Variants in NRG3 observed in about 807,000 individuals in gnomAD.
NRG3 encodes neuregulin 3.
In NRG3, 31 loss-of-function variants were observed where a neutral mutation model predicts 66.9. The ratio of observed to expected loss-of-function variants is 0.46; its 90% CI spans 0.35 to 0.63. The LOEUF (loss-of-function observed/expected upper bound fraction) is 0.63. Ranked by LOEUF, NRG3 falls within the 20% of genes least tolerant of loss-of-function variation. The probability of loss-of-function intolerance (pLI) is 0.00; values close to 1 mark genes in which losing one functional copy is unlikely to be tolerated. For synonymous variants in NRG3, 393 were observed against 359.4 expected (o/e 1.09, Z -1.06); for missense variants, 910 against 878.9 (o/e 1.04, Z -0.45).
chr10:82,240,581 G>A (rs1257862990), intron 1 of NRG3, among the ~76,000 whole-genome samples: 1 of 152,118 alleles, frequency 6.6e-6, no homozygotes, highest in Non-Finnish European at 1.5e-5. Context: ...ACAGAGAAAC[G>A]TCTGATGCTA....
chr10:82,738,588 G>A lies in NRG3; in HGVS notation c.965G>A (p.Gly322Asp). 1.2e-6 allele frequency: 2 copies of A among 1,614,056 alleles called. No homozygotes were observed. The highest frequency in any genetic ancestry group is 1.7e-6 in the Non-Finnish European group (2 of 1,179,940). Reference sequence around the variant, plus strand: ...TCCCCTTTTCTCAGGTGCAAAGAAGGCTACCAAGGAGTCCGTTGTGATCAA... The same window carrying A: ...TCCCCTTTTCTCAGGTGCAAAGAAGACTACCAAGGAGTCCGTTGTGATCAA... ...GSHKHCRCKE[G>D]YQGVRCDQFL... is the part of the protein sequence containing the mutation. Residue 322 changes from glycine to aspartate, a missense_variant, in exon 3 of 9, where the codon GGC becomes GAC. Transcript: ENST00000372141.
chr10:82,177,155 A>G (rs2073100483), intron 1 of NRG3, among the ~76,000 whole-genome samples: 1 of 151,976 alleles, frequency 6.6e-6, no homozygotes, highest in Non-Finnish European at 1.5e-5. Context: ...CTATGTTTAT[A>G]TTACTATCAT....
chr10:82,888,969 CA>C (rs1456745364), intron 4 of NRG3, among the ~76,000 whole-genome samples: 1 of 151,948 alleles, frequency 6.6e-6, no homozygotes, highest in East Asian at 1.9e-4. Flanking sequence ...GCGGAATGAG[CA>C]AGGGGAGGAG....
At chr10:82,576,566 G>A (rs992667238) in intron 2 of NRG3, among the ~76,000 whole-genome samples, 4 of 151,678 alleles carry the variant, frequency 2.6e-5, no homozygotes, top group African/African-American at 9.7e-5. Context: ...CATAGTTGGG[G>A]AAATATAGAA....
intron 4 of NRG3, among the ~76,000 whole-genome samples, chr10:82,940,648 G>A (rs962707933): frequency 6.6e-6 from 1 of 152,138 alleles, no homozygotes; most frequent in African/African-American, 2.4e-5. Context: ...GAAGACCAGG[G>A]TCAAGATGCC....
intron 2 of NRG3, among the ~76,000 whole-genome samples, chr10:82,640,590 C>T (rs989293360): frequency 1.3e-5 from 2 of 152,090 alleles, no homozygotes; most frequent in African/African-American, 4.8e-5. Context: ...AGCAAGGACA[C>T]CTCTTCTCCA....
chr10:82,033,536 T>C (rs2062663403), intron 1 of NRG3, among the ~76,000 whole-genome samples: 1 of 152,128 alleles, frequency 6.6e-6, no homozygotes, highest in African/African-American at 2.4e-5. Flanking sequence ...CCTTCTTCTT[T>C]AAGACCAGAA....
intron 1 of NRG3, among the ~76,000 whole-genome samples, chr10:81,928,594 A>G (rs1478519897): frequency 1.3e-5 from 2 of 152,184 alleles, no homozygotes; most frequent in Non-Finnish European, 2.9e-5. Context: ...TATAGGAATA[A>G]CATGAAACTG....
chr10:82,835,637 C>T (rs1307472024), intron 3 of NRG3, among the ~76,000 whole-genome samples: 1 of 152,136 alleles, frequency 6.6e-6, no homozygotes, highest in African/African-American at 2.4e-5. Context: ...GACTAGATTT[C>T]ATGACCCTCC....
At chr10:82,044,919 A>G (rs7069763) in intron 1 of NRG3, among the ~76,000 whole-genome samples, 134,309 of 151,392 alleles carry the variant, frequency 0.89, 60,741 homozygotes, top group South Asian at 0.99. Flanking sequence ...TGGCTGCATA[A>G]TATTCCATGG....
intron 3 of NRG3, among the ~76,000 whole-genome samples, chr10:82,766,993 GAT>G (rs750147080): frequency 1.7e-4 from 25 of 143,716 alleles, no homozygotes; most frequent in Admixed American, 2.8e-4. Flanking sequence ...ATATATTGTG[GAT>G]ATATATATAT....
chr10:82,029,570 C>T (rs1440791563), intron 1 of NRG3, among the ~76,000 whole-genome samples: 2 of 151,840 alleles, frequency 1.3e-5, no homozygotes, highest in Non-Finnish European at 2.9e-5. Context: ...CCAGCTTGAA[C>T]GATTTCATTA....
intron 1 of NRG3, among the ~76,000 whole-genome samples, chr10:82,171,499 A>G (rs1022489465): frequency 2.0e-5 from 3 of 152,134 alleles, no homozygotes; most frequent in African/African-American, 7.2e-5. Context: ...TGGAAGGGGA[A>G]GCAGTTATCT....
At chr10:82,703,326 G>A (rs1425716168) in intron 2 of NRG3, among the ~76,000 whole-genome samples, 1 of 152,030 alleles carries the variant, frequency 6.6e-6, no homozygotes, top group East Asian at 1.9e-4. Flanking sequence ...GAAACATTTT[G>A]CAATTAAGAT....
At chr10:82,279,707 C>G (rs2079035887) in intron 1 of NRG3, among the ~76,000 whole-genome samples, 1 of 152,162 alleles carries the variant, frequency 6.6e-6, no homozygotes, top group Admixed American at 6.5e-5. Context: ...TTGCATACCT[C>G]AAACAAATAT....
At position 82,948,507 on chromosome 10, in the gene NRG3, A is replaced by C. The variant is rs190558086; in HGVS notation, c.1055-2962A>C. ...CTGAGATTTTAATAGCATTGCAATC[A>C]ATCTGTCTATCATCTTGGGGAGAAT... On this transcript the variant is annotated intron_variant, in intron 4 of 8. Coordinates refer to ENST00000372141, the MANE Select transcript of NRG3 (RefSeq NM_001010848.4). Among the ~76,000 whole-genome samples, 3 of 152,204 alleles carry C rather than the reference A, an allele frequency of 2.0e-5. No homozygotes were observed. In the East Asian group the frequency reaches 5.8e-4, roughly 29 times the overall value.
At chr10:82,040,521 G>A (rs2062986131) in intron 1 of NRG3, among the ~76,000 whole-genome samples, 1 of 151,884 alleles carries the variant, frequency 6.6e-6, no homozygotes, top group Non-Finnish European at 1.5e-5. Flanking sequence ...CTACAAACTT[G>A]TTGGCAAACT....
At chr10:82,855,255 C>G (rs760136149) in intron 3 of NRG3, among the ~76,000 whole-genome samples, 34 of 152,166 alleles carry the variant, frequency 2.2e-4, no homozygotes, top group Admixed American at 3.9e-4. Context: ...AGGCTTCAAT[C>G]ATTAGTATGA....
chr10:82,779,560 A>T (rs1486448049), intron 3 of NRG3, among the ~76,000 whole-genome samples: 1 of 151,826 alleles, frequency 6.6e-6, no homozygotes, highest in African/African-American at 2.4e-5. Flanking sequence ...TGTCTCAAAA[A>T]CTCTATCTTC....
Sources: gnomAD v4.1 joint callset for allele counts (sites outside exome capture counted in the v4.1 genomes callset) on GRCh38, gnomAD v4.1.1 for gene constraint, MANE v1.5 for transcripts, NCBI Gene and HGNC (gene_info 2026-07-23, HGNC 2026-07-21) for gene names.